GSE1: variants seen among roughly 807,000 people sequenced by gnomAD.
GSE1 encodes the protein genetic suppressor element 1.
Under a neutral mutation model 112.6 loss-of-function variants are expected in GSE1, and 32 were observed. That is an observed-to-expected ratio of 0.28 (90% confidence interval 0.21 to 0.38). The LOEUF (loss-of-function observed/expected upper bound fraction) is 0.38, where lower values mean the gene tolerates loss of function less well. Among genes scored for constraint, GSE1 ranks in the 10% least tolerant of loss-of-function variants. The probability of loss-of-function intolerance (pLI) is 1.00; values close to 1 mark genes in which losing one functional copy is unlikely to be tolerated. For missense variants in GSE1, 2,348 were observed against 1,699.2 expected, an observed-to-expected ratio of 1.38 and a Z score of -6.71; for synonymous variants, 1,115 against 735.6, an observed-to-expected ratio of 1.52 and a Z score of -8.35.
At chr16:85,544,748 G>A (rs2044638552) in intron 2 of GSE1, among the ~76,000 whole-genome samples, 1 of 152,230 alleles carries the variant, frequency 6.6e-6, no homozygotes. Context: ...TTGTCCAGCA[G>A]ACCCCAGCAG....
At chr16:85,666,473 A>C in intron 13 of GSE1, 126 bp downstream of exon 13, 1 of 856,230 alleles carries the variant, frequency 1.2e-6, no homozygotes, top group Admixed American at 2.5e-5. Flanking sequence ...AATCACCAGA[A>C]GAAAATAATT....
At chr16:85,464,271 A>T (rs2050062178) in intron 2 of GSE1, among the ~76,000 whole-genome samples, 1 of 152,168 alleles carries the variant, frequency 6.6e-6, no homozygotes, top group South Asian at 2.1e-4. Context: ...AGTGGGTAGA[A>T]AGAGCTTAAA....
chr16:85,185,808 C>G (rs1326502746), intron 1 of GSE1, among the ~76,000 whole-genome samples: 1 of 152,246 alleles, frequency 6.6e-6, no homozygotes, highest in East Asian at 1.9e-4. Context: ...GCCTCCTGCC[C>G]ATGGTCTGAA....
At chr16:85,354,546 C>T (rs1430181765) in intron 1 of GSE1, among the ~76,000 whole-genome samples, 1 of 152,240 alleles carries the variant, frequency 6.6e-6, no homozygotes, top group Non-Finnish European at 1.5e-5. Flanking sequence ...GCCATCTCCA[C>T]CCCAGGAGGG....
At chr16:85,610,386 T>C (rs1372387884), upstream of GSE1, among the ~76,000 whole-genome samples, 2 of 152,064 alleles carry the variant, frequency 1.3e-5, no homozygotes, top group Non-Finnish European at 2.9e-5. Context: ...GGGCTGTGGG[T>C]AGGGCGCTGC....
chr16:85,524,185 C>G (rs967101059), intron 2 of GSE1, among the ~76,000 whole-genome samples: 4 of 152,138 alleles, frequency 2.6e-5, no homozygotes, highest in African/African-American at 7.2e-5. Flanking sequence ...GTGGCTGGCT[C>G]TCTCTGGCTG....
chr16:85,652,883 A>T lies in GSE1; in HGVS notation c.427-1395A>T, dbSNP rs549349936. Among the ~76,000 whole-genome samples, 7 of 152,042 alleles carry T rather than the reference A, an allele frequency of 4.6e-5. No homozygotes were observed. In the South Asian group the frequency reaches 1.5e-3, roughly 32 times the overall value. ...GGCATTTCGTGGCTCAGGGAGGCAG[A>T]GCGGGGCTGGTGCTCTTCAGGAGCA... is the stretch of plus-strand genomic sequence containing the variant. On this transcript the variant is annotated intron_variant, in intron 3 of 15. Transcript: ENST00000253458.
At chr16:85,640,778 G>T (rs765427176) in intron 2 of GSE1, among the ~76,000 whole-genome samples, 1 of 152,256 alleles carries the variant, frequency 6.6e-6, no homozygotes, top group African/African-American at 2.4e-5. Context: ...CCTGGCAGGC[G>T]CGCCTCGCGT....
chr16:85,300,254 G>A (rs749252054), intron 1 of GSE1, among the ~76,000 whole-genome samples: 2 of 151,986 alleles, frequency 1.3e-5, no homozygotes, highest in African/African-American at 4.8e-5. Flanking sequence ...TCAGGTGATC[G>A]TCCCACCTCG....
intron 1 of GSE1, among the ~76,000 whole-genome samples, chr16:85,596,743 A>G (rs777741656): frequency 1.2e-4 from 18 of 152,162 alleles, no homozygotes; most frequent in Non-Finnish European, 2.2e-4. Context: ...TCTCTTCATC[A>G]TGGAAAGTTC....
At chr16:85,561,840 C>T (rs2045535903) in intron 1 of GSE1, among the ~76,000 whole-genome samples, 1 of 152,228 alleles carries the variant, frequency 6.6e-6, no homozygotes, top group South Asian at 2.1e-4. Flanking sequence ...CCGCTGGGTT[C>T]TATTTCCCAC....
intron 1 of GSE1, among the ~76,000 whole-genome samples, chr16:85,616,689 A>G (rs2048391534): frequency 1.3e-5 from 2 of 150,018 alleles, no homozygotes; most frequent in East Asian, 4.0e-4. Flanking sequence ...CCTGGCTTTA[A>G]TTCCTCCCCC....
chr16:85,485,505 G>A (rs1052418269), intron 2 of GSE1, among the ~76,000 whole-genome samples: 20 of 152,364 alleles, frequency 1.3e-4, no homozygotes, highest in East Asian at 3.9e-4. Context: ...TGCCTGTGGC[G>A]CCTGCCGCCT....
chr16:85,617,107 G>A (rs1217448550), intron 1 of GSE1, among the ~76,000 whole-genome samples: 1 of 152,236 alleles, frequency 6.6e-6, no homozygotes, highest in Non-Finnish European at 1.5e-5. Context: ...CATCCCGTCT[G>A]CCTGGGATTC....
At chr16:85,483,633 C>T (rs79968990) in intron 2 of GSE1, among the ~76,000 whole-genome samples, 1,913 of 152,370 alleles carry the variant, frequency 0.013, 44 homozygotes, top group African/African-American at 0.043. Flanking sequence ...GTCTCCGAGG[C>T]GGCGGGCTGA....
intron 2 of GSE1, among the ~76,000 whole-genome samples, chr16:85,470,332 C>T (rs981981486): frequency 2.6e-5 from 4 of 152,170 alleles, no homozygotes; most frequent in Non-Finnish European, 4.4e-5. Flanking sequence ...GTGATCCAGC[C>T]GCAGCCAGAC....
intron 1 of GSE1, among the ~76,000 whole-genome samples, chr16:85,280,542 C>T (rs1234111353): frequency 2.0e-5 from 3 of 152,150 alleles, no homozygotes; most frequent in Non-Finnish European, 4.4e-5. Flanking sequence ...ACTACAGGCG[C>T]CCGCCACCAT....
At chr16:85,584,771 C>T (rs2046611184) in intron 1 of GSE1, among the ~76,000 whole-genome samples, 1 of 152,222 alleles carries the variant, frequency 6.6e-6, no homozygotes, top group Non-Finnish European at 1.5e-5. Flanking sequence ...CGTGCATTGG[C>T]TTCCCTCTGG....
intron 2 of GSE1, among the ~76,000 whole-genome samples, chr16:85,426,183 G>A (rs2048981580): frequency 9.1e-6 from 1 of 109,644 alleles, no homozygotes; most frequent in Non-Finnish European, 1.9e-5. Flanking sequence ...TGGATGTATA[G>A]TGGATAGATG....
Sources: allele counts gnomAD v4.1 joint callset (sites outside exome capture counted in the v4.1 genomes callset), GRCh38; gene constraint gnomAD v4.1.1; transcripts MANE v1.5; gene names NCBI Gene and HGNC (gene_info 2026-07-23, HGNC 2026-07-21).